ATAD1: variants seen among roughly 807,000 people sequenced by gnomAD.
The protein encoded by ATAD1 is outer mitochondrial transmembrane helix translocase.
Under a neutral mutation model 42.7 loss-of-function variants are expected in ATAD1, and 18 were observed. That is an observed-to-expected ratio of 0.42 (90% CI 0.29 to 0.63). The LOEUF (loss-of-function observed/expected upper bound fraction) is 0.63, where lower values mean the gene tolerates loss of function less well. Ranked by LOEUF, ATAD1 falls within the 20% of genes least tolerant of loss-of-function variation. The pLI is 0.19. For missense variants in ATAD1, 294 were observed against 440.4 expected (o/e 0.67, Z 2.98); for synonymous variants, 132 against 143.1 (o/e 0.92, Z 0.55).
intron 1 of ATAD1, among the ~76,000 whole-genome samples, chr10:87,833,537 T>G (rs1857872609): frequency 6.6e-6 from 1 of 152,178 alleles, no homozygotes; most frequent in East Asian, 1.9e-4. Flanking sequence ...CATTCTTACC[T>G]TGTTCCTGAC....
At chr10:87,770,081 A>T (rs1340498984) in intron 7 of ATAD1, among the ~76,000 whole-genome samples, 3 of 152,244 alleles carry the variant, frequency 2.0e-5, no homozygotes, top group African/African-American at 7.2e-5. Context: ...TTGTAGCTAT[A>T]GTAAAGAGTT....
At chr10:87,758,983 C>A (rs1169057730) in intron 8 of ATAD1, among the ~76,000 whole-genome samples, 2 of 151,988 alleles carry the variant, frequency 1.3e-5, no homozygotes, top group South Asian at 2.1e-4. Flanking sequence ...GATCTTAGTC[C>A]TTTGATGGTT....
chr10:87,822,190 A>G (rs962573419), upstream of ATAD1, among the ~76,000 whole-genome samples: 3 of 152,260 alleles, frequency 2.0e-5, no homozygotes, highest in African/African-American at 7.2e-5. Context: ...GTAAAATTAT[A>G]TAACAGTAAT....
At chr10:87,789,286 G>C in intron 4 of ATAD1, among the ~76,000 whole-genome samples, 1 of 152,172 alleles carries the variant, frequency 6.6e-6, no homozygotes, top group Non-Finnish European at 1.5e-5. Context: ...CAATGCATTA[G>C]ATAAGAGTTT....
chr10:87,752,916 C>T lies in ATAD1; in HGVS notation c.*1771G>A, dbSNP rs1013853757. 2.0e-5 allele frequency: 3 copies of T among 151,974 alleles called. No individual in the cohort carries two copies. The highest frequency in any genetic ancestry group is 2.0e-4 in the Admixed American group (3 of 15,244). 9.4% of individuals were successfully genotyped at this position (151,974 alleles called of 1,614,324 possible). A position where few individuals can be genotyped will look rare whatever the true frequency, so the allele number is the denominator to read the frequency against. ...GGAGGTATACATTACTCCTTATTTT[C>T]GATTAATATGTCACCAGATTAAAAT... is the stretch of plus-strand genomic sequence containing the variant. On this transcript the variant is annotated 3_prime_UTR_variant, in exon 10 of 10. Coordinates refer to ENST00000680024, the MANE Select transcript of ATAD1 (RefSeq NM_001321967.2).
intron 9 of ATAD1, among the ~76,000 whole-genome samples, chr10:87,755,262 C>CAAGTA (rs1854168972): frequency 1.3e-5 from 2 of 152,064 alleles, no homozygotes; most frequent in Non-Finnish European, 2.9e-5. Flanking sequence ...TTGCTTTTTA[C>CAAGTA]AAATTGAGAG....
chr10:87,813,672 A>G (rs149206934), intron 2 of ATAD1, among the ~76,000 whole-genome samples: 2,238 of 152,180 alleles, frequency 0.015, 27 homozygotes, highest in Middle Eastern at 0.048. Context: ...ATAGGGACTC[A>G]ATAAATGTTT....
intron 5 of ATAD1, among the ~76,000 whole-genome samples, chr10:87,777,943 C>G (rs914990280): frequency 6.6e-6 from 1 of 151,954 alleles, no homozygotes; most frequent in Non-Finnish European, 1.5e-5. Flanking sequence ...TTCAAACTAA[C>G]CCATCTATTC....
At chr10:87,822,513 G>C (rs1373143163), upstream of ATAD1, among the ~76,000 whole-genome samples, 1 of 152,158 alleles carries the variant, frequency 6.6e-6, no homozygotes, top group African/African-American at 2.4e-5. Flanking sequence ...ATTATGTTGA[G>C]TGAAATAAGC....
chr10:87,752,571 A>C lies in ATAD1; in HGVS notation c.*2116T>G, dbSNP rs184725372. Reference sequence around the variant, plus strand: ...CACAGTTAATGGGGAGCCTGAGTTTAAATTCAGGAAGCCTGATTCTAGATC... The same window carrying C: ...CACAGTTAATGGGGAGCCTGAGTTTCAATTCAGGAAGCCTGATTCTAGATC... On this transcript the variant is annotated 3_prime_UTR_variant, in exon 10 of 10. Coordinates refer to ENST00000680024, the MANE Select transcript of ATAD1 (RefSeq NM_001321967.2). 2.0e-5 allele frequency: 3 copies of C among 152,146 alleles called. No homozygotes were observed. Among genetic ancestry groups the C allele is most frequent in the African/African-American group, 7.2e-5 (3 of 41,444 alleles). 9.4% of individuals were successfully genotyped at this position (152,146 alleles called of 1,614,324 possible). A position where few individuals can be genotyped will look rare whatever the true frequency, so the allele number is the denominator to read the frequency against.
intron 1 of ATAD1, among the ~76,000 whole-genome samples, chr10:87,838,210 G>A (rs571545249): frequency 6.6e-6 from 1 of 152,148 alleles, no homozygotes; most frequent in Admixed American, 6.5e-5. Flanking sequence ...TTCTATCTAG[G>A]TTTTATAACT....
chr10:87,833,316 G>A (rs778296392), intron 1 of ATAD1, among the ~76,000 whole-genome samples: 1 of 152,244 alleles, frequency 6.6e-6, no homozygotes, highest in Non-Finnish European at 1.5e-5. Context: ...TTTTGAATGT[G>A]TGTTTACCTT....
chr10:87,778,506 A>G (rs535951250), intron 5 of ATAD1, among the ~76,000 whole-genome samples: 2 of 152,292 alleles, frequency 1.3e-5, no homozygotes, highest in Non-Finnish European at 2.9e-5. Context: ...AAATTCATCT[A>G]TGTTTGATAT....
intron 6 of ATAD1, among the ~76,000 whole-genome samples, chr10:87,775,416 ATC>A (rs1855251710): frequency 9.1e-6 from 1 of 110,436 alleles, no homozygotes; most frequent in Admixed American, 9.3e-5. Flanking sequence ...GCAAGACTCC[ATC>A]TCAAAAAAAA....
intron 1 of ATAD1, chr10:87,841,087 C>A (rs1259729486): frequency 6.6e-6 from 1 of 151,690 alleles, no homozygotes; most frequent in African/African-American, 2.4e-5. Flanking sequence ...TCAGTGGAAG[C>A]AGGACTGCTT....
At chr10:87,779,164 GGCGAATGCCTATAATCCCA>G (rs1181272947) in intron 5 of ATAD1, among the ~76,000 whole-genome samples, 1 of 152,196 alleles carries the variant, frequency 6.6e-6, no homozygotes, top group Non-Finnish European at 1.5e-5. Context: ...TGGGCATGGT[GGCGAATGCCTATAATCCCA>G]GCTACTTGGG....
rs918503732 is a variant in ATAD1 at position 87,814,309 on chromosome 10, G to A, written c.162+129C>T. 7 of 772,008 alleles carry A rather than the reference G, an allele frequency of 9.1e-6. No individual in the cohort carries two copies. In the African/African-American group the frequency reaches 1.3e-4, roughly 14 times the overall value. The allele number at this position is 772,008 out of a possible 1,614,324, so 47.8% of individuals were successfully genotyped here. Reference sequence around the variant, plus strand: ...CTTTGTAAGAGTAATAAAACTATGAGTACCAATACATTTTCATGTGGGTCT... The same window carrying A: ...CTTTGTAAGAGTAATAAAACTATGAATACCAATACATTTTCATGTGGGTCT... On this transcript the variant is annotated intron_variant, in intron 2 of 9. Transcript: ENST00000680024.
At chr10:87,811,052 G>C (rs996998209) in intron 2 of ATAD1, among the ~76,000 whole-genome samples, 1 of 152,012 alleles carries the variant, frequency 6.6e-6, no homozygotes, top group Non-Finnish European at 1.5e-5. Context: ...AGATTTTTAG[G>C]CCAGACACAG....
intron 5 of ATAD1, among the ~76,000 whole-genome samples, chr10:87,777,066 C>A (rs561808645): frequency 1.3e-5 from 2 of 152,156 alleles, no homozygotes; most frequent in Non-Finnish European, 2.9e-5. Flanking sequence ...AATTAAAACA[C>A]AATCATTCAT....
Sources: allele counts gnomAD v4.1 joint callset (sites outside exome capture counted in the v4.1 genomes callset), GRCh38; gene constraint gnomAD v4.1.1; transcripts MANE v1.5; gene names NCBI Gene and HGNC (gene_info 2026-07-23, HGNC 2026-07-21).